Variants in NXPE2 observed in about 807,000 individuals in gnomAD.
NXPE2 encodes NXPE family member 2.
NXPE2 carries 34 observed loss-of-function variants against 34.4 expected under a neutral mutation model. The observed-to-expected ratio is 0.99, with a 90% CI of 0.75 to 1.31. The LOEUF (loss-of-function observed/expected upper bound fraction) is 1.31, where lower values mean the gene tolerates loss of function less well. NXPE2 is among the 40% of genes most tolerant of loss of function. NXPE2 has a pLI of 0.00. For synonymous variants in NXPE2, 235 were observed against 231.3 expected (o/e 1.02, Z -0.15); for missense variants, 649 against 672.5 (o/e 0.97, Z 0.39).
At chr11:114,802,545 G>A in the NXPE2 span, among the ~76,000 whole-genome samples, 14 of 152,322 alleles carry the variant, frequency 9.2e-5, no homozygotes, top group Non-Finnish European at 1.6e-4. Flanking sequence ...GGGGTCTAGC[G>A]TGGACTTTCT....
At chr11:114,491,909 A>G in the NXPE2 span, among the ~76,000 whole-genome samples, 1 of 152,326 alleles carries the variant, frequency 6.6e-6, no homozygotes, top group African/African-American at 2.4e-5. Context: ...TATTGCAAGG[A>G]CAAAAAACCA....
At chr11:114,481,751 T>C in the NXPE2 span, among the ~76,000 whole-genome samples, 1 of 152,174 alleles carries the variant, frequency 6.6e-6, no homozygotes, top group South Asian at 2.1e-4. Flanking sequence ...TAATTCTGTC[T>C]GTTGGCAAAT....
the NXPE2 span, among the ~76,000 whole-genome samples, chr11:114,781,469 G>A: frequency 1.6e-4 from 25 of 152,312 alleles, no homozygotes; most frequent in Admixed American, 3.9e-4. Flanking sequence ...ATTAATCTGG[G>A]AAGGCTTCCT....
the NXPE2 span, chr11:114,522,557 G>GA: frequency 7.2e-7 from 1 of 1,388,066 alleles, no homozygotes; most frequent in Non-Finnish European, 9.7e-7. Flanking sequence ...TAATATTCAT[G>GA]AAAAAGAATG....
At chr11:114,634,977 G>A in the NXPE2 span, among the ~76,000 whole-genome samples, 1 of 152,006 alleles carries the variant, frequency 6.6e-6, no homozygotes, top group Non-Finnish European at 1.5e-5. Context: ...GAACTTTAAA[G>A]TAGTTTTTTC....
the NXPE2 span, among the ~76,000 whole-genome samples, chr11:114,608,556 A>G: frequency 7.2e-6 from 1 of 138,686 alleles, no homozygotes; most frequent in African/African-American, 2.7e-5. Flanking sequence ...TAATTGTTGC[A>G]TCGTGTGTAT....
At chr11:114,723,966 T>C in the NXPE2 span, among the ~76,000 whole-genome samples, 6 of 152,214 alleles carry the variant, frequency 3.9e-5, no homozygotes, top group African/African-American at 9.6e-5. Flanking sequence ...GTCATCTCTG[T>C]GTACCTCAGA....
the NXPE2 span, among the ~76,000 whole-genome samples, chr11:114,565,963 G>A: frequency 6.6e-6 from 1 of 152,086 alleles, no homozygotes; most frequent in East Asian, 1.9e-4. Flanking sequence ...AACTTTGAGA[G>A]GAATGAGAGA....
chr11:114,769,634 A>G, the NXPE2 span, among the ~76,000 whole-genome samples: 248 of 152,320 alleles, frequency 1.6e-3, 2 homozygotes, highest in Middle Eastern at 0.017. Context: ...TGCAGCCATA[A>G]AAAAGGATGG....
chr11:114,795,276 A>G, the NXPE2 span, among the ~76,000 whole-genome samples: 1 of 151,822 alleles, frequency 6.6e-6, no homozygotes, highest in Non-Finnish European at 1.5e-5. Flanking sequence ...ACAGGGAAAG[A>G]CTCTAGGAAT....
the NXPE2 span, among the ~76,000 whole-genome samples, chr11:114,611,380 C>G: frequency 6.6e-6 from 1 of 151,924 alleles, no homozygotes; most frequent in Middle Eastern, 3.4e-3. Flanking sequence ...TAAGTGTTGC[C>G]TCGTGGGTAA....
At chr11:114,628,313 A>T in the NXPE2 span, among the ~76,000 whole-genome samples, 3 of 151,962 alleles carry the variant, frequency 2.0e-5, no homozygotes, top group Non-Finnish European at 2.9e-5. Context: ...AAATTATAAC[A>T]AACTGTCTCT....
At chr11:114,602,464 A>G in the NXPE2 span, among the ~76,000 whole-genome samples, 3 of 135,400 alleles carry the variant, frequency 2.2e-5, no homozygotes, top group Admixed American at 8.2e-5. Context: ...TAAATAATAT[A>G]TAAATTATAG....
the NXPE2 span, chr11:114,528,780 C>T: frequency 6.1e-6 from 4 of 659,846 alleles, no homozygotes; most frequent in South Asian, 1.7e-5. Context: ...CCAAGTATAA[C>T]AGATATAAGT....
At chr11:114,535,546 T>G in the NXPE2 span, among the ~76,000 whole-genome samples, 2 of 152,084 alleles carry the variant, frequency 1.3e-5, no homozygotes, top group Admixed American at 6.5e-5. Flanking sequence ...CCATCTCACA[T>G]GCAGAGACAT....
chr11:114,559,042 T>G, the NXPE2 span, among the ~76,000 whole-genome samples: 1 of 152,192 alleles, frequency 6.6e-6, no homozygotes, highest in African/African-American at 2.4e-5. Flanking sequence ...TATGAAGAGC[T>G]CTTAAAAACA....
chr11:114,491,012 A>G, the NXPE2 span, among the ~76,000 whole-genome samples: 2 of 147,794 alleles, frequency 1.4e-5, no homozygotes, highest in African/African-American at 2.5e-5. Context: ...AATACAAAAA[A>G]TTAGCCGGGC....
chr11:114,744,577 G>C, the NXPE2 span, among the ~76,000 whole-genome samples: 1 of 152,102 alleles, frequency 6.6e-6, no homozygotes, highest in Admixed American at 6.6e-5. Context: ...GGGAGGCTGC[G>C]GCGGGTTGAG....
chr11:114,798,066 T>C, the NXPE2 span, among the ~76,000 whole-genome samples: 551 of 152,342 alleles, frequency 3.6e-3, 2 homozygotes, highest in African/African-American at 0.012. Flanking sequence ...TTTCTTTAGG[T>C]CTTGCTTCTG....
Sources: allele counts gnomAD v4.1 joint callset (sites outside exome capture counted in the v4.1 genomes callset), GRCh38; gene constraint gnomAD v4.1.1; transcripts MANE v1.5; gene names NCBI Gene and HGNC (gene_info 2026-07-23, HGNC 2026-07-21).